Variants in NAA35 observed in about 807,000 individuals in gnomAD.
NAA35 encodes MAK10 homolog, amino-acid N-acetyltransferase subunit.
In NAA35, 18 loss-of-function variants were observed where a neutral mutation model predicts 101.7. The ratio of observed to expected loss-of-function variants is 0.18; its 90% confidence interval spans 0.12 to 0.26. The LOEUF (loss-of-function observed/expected upper bound fraction) is 0.26, where lower values mean the gene tolerates loss of function less well. Among genes scored for constraint, NAA35 ranks in the 10% least tolerant of loss-of-function variants. The probability of loss-of-function intolerance (pLI) is 1.00; values close to 1 mark genes in which losing one functional copy is unlikely to be tolerated. For synonymous variants in NAA35, 267 were observed against 273.1 expected, an observed-to-expected ratio of 0.98 and a Z score of 0.22; for missense variants, 601 against 886.8, an observed-to-expected ratio of 0.68 and a Z score of 4.09.
chr9:85,995,125 T>G (rs1831099566), intron 11 of NAA35, among the ~76,000 whole-genome samples: 1 of 152,058 alleles, frequency 6.6e-6, no homozygotes, highest in South Asian at 2.1e-4. Context: ...TTGTAGTACC[T>G]CAACAGTTTA....
chr9:86,003,764 AT>A (rs953767381), intron 13 of NAA35, 120 bp downstream of exon 13: 14,097 of 455,646 alleles, frequency 0.031, 58 homozygotes, highest in African/African-American at 0.054. Flanking sequence ...AGTGTTGTGT[AT>A]TTTTTTTTTA....
At chr9:85,990,882 A>G (rs1830873657) in intron 11 of NAA35, among the ~76,000 whole-genome samples, 1 of 152,186 alleles carries the variant, frequency 6.6e-6, no homozygotes, top group South Asian at 2.1e-4. Flanking sequence ...GTGTGGAGTA[A>G]GGAAGTGTCC....
chr9:85,946,862 T>A (rs1436687411), intron 2 of NAA35, among the ~76,000 whole-genome samples: 2 of 152,220 alleles, frequency 1.3e-5, no homozygotes, highest in East Asian at 1.9e-4. Context: ...TCCATTCATC[T>A]TCTTCAGTTC....
chr9:86,002,856 C>T (rs1446704908), intron 12 of NAA35, among the ~76,000 whole-genome samples: 1 of 152,146 alleles, frequency 6.6e-6, no homozygotes, highest in East Asian at 1.9e-4. Flanking sequence ...GCCAGTTCAG[C>T]CTGATTAAGA....
At chr9:86,010,745 T>G (rs1831882296) in intron 15 of NAA35, among the ~76,000 whole-genome samples, 1 of 150,688 alleles carries the variant, frequency 6.6e-6, no homozygotes, top group Non-Finnish European at 1.5e-5. Context: ...GGCTAATTTT[T>G]TTTTTTGTAT....
At position 85,991,910 on chromosome 9, in the gene NAA35, C is replaced by T. The variant is rs543204196; in HGVS notation, c.878-4489C>T. The stretch of plus-strand genomic sequence containing the variant: ...GGTGGATGGGCCGGGCGTGGTGGCT[C>T]ACACCTGTAATCCCAGCACTTTGGG... On this transcript the variant is annotated intron_variant, in intron 11 of 22. Coordinates refer to ENST00000361671, the MANE Select transcript of NAA35 (RefSeq NM_024635.4). 2.0e-5 allele frequency among the ~76,000 whole-genome samples: 3 copies of T among 152,228 alleles called. No individual in the cohort carries two copies. In the East Asian group the frequency reaches 5.8e-4, roughly 29 times the overall value.
rs1307847709 is a variant in NAA35 at position 86,025,439 on chromosome 9, T to C, written c.*3479T>C. ...CATATTCATACTTGCCCCACTCTAT[T>C]TGTGGAGTGGCTGGTATGATCTTAA... On this transcript the variant is annotated 3_prime_UTR_variant, in exon 23 of 23. Transcript: ENST00000361671. Among the ~76,000 whole-genome samples the C allele has an allele frequency of 2.6e-5, 4 of 152,122 alleles. No individual in the cohort carries two copies. Among genetic ancestry groups the C allele is most frequent in the African/African-American group, 9.7e-5 (4 of 41,442 alleles).
intron 12 of NAA35, among the ~76,000 whole-genome samples, chr9:86,000,715 G>T (rs982391271): frequency 6.6e-6 from 1 of 151,994 alleles, no homozygotes; most frequent in African/African-American, 2.4e-5. Context: ...TCTGATGGTT[G>T]TTTTTATTTC....
At chr9:85,973,299 T>C (rs959894893) in intron 6 of NAA35, among the ~76,000 whole-genome samples, 1 of 152,170 alleles carries the variant, frequency 6.6e-6, no homozygotes, top group Non-Finnish European at 1.5e-5. Context: ...TAGAAAACTA[T>C]TGAAAGGTTT....
At chr9:85,959,376 CAAA>C (rs397955563) in intron 4 of NAA35, among the ~76,000 whole-genome samples, 1 of 62,684 alleles carries the variant, frequency 1.6e-5, no homozygotes. Flanking sequence ...GACTCTGTCT[CAAA>C]AAAAAAAAAA....
intron 2 of NAA35, among the ~76,000 whole-genome samples, chr9:85,944,097 C>T (rs1255901877): frequency 1.3e-5 from 2 of 152,220 alleles, no homozygotes; most frequent in South Asian, 2.1e-4. Flanking sequence ...AGTACAGTGG[C>T]TTGGACCAAG....
chr9:85,991,677 G>C (rs1335502092), intron 11 of NAA35, among the ~76,000 whole-genome samples: 1 of 152,086 alleles, frequency 6.6e-6, no homozygotes, highest in African/African-American at 2.4e-5. Flanking sequence ...GGTTATGGTG[G>C]CCTAACATGT....
intron 1 of NAA35, 50 bp from the exon 2 acceptor site, chr9:85,942,105 C>T (rs1460917122): frequency 2.5e-6 from 4 of 1,588,004 alleles, no homozygotes; most frequent in Admixed American, 1.9e-5. Context: ...TGCAAATACT[C>T]TTGCCCTGAA....
intron 2 of NAA35, among the ~76,000 whole-genome samples, chr9:85,950,137 T>C (rs1828950742): frequency 6.6e-6 from 1 of 152,254 alleles, no homozygotes; most frequent in Non-Finnish European, 1.5e-5. Context: ...TACAAGATCA[T>C]GATTCTGTGT....
intron 9 of NAA35, 44 bp from the exon 10 acceptor site, chr9:85,977,319 G>T: frequency 7.6e-7 from 1 of 1,311,874 alleles, no homozygotes; most frequent in South Asian, 1.2e-5. Context: ...TTCCTTTCAC[G>T]GGCTTTGCAT....
Position 86,023,867 on chromosome 9 carries a change from T to G in NAA35, c.*1907T>G, listed in dbSNP as rs908607009. Among the ~76,000 whole-genome samples the G allele has an allele frequency of 7.9e-5, 12 of 152,232 alleles. No homozygotes were observed. The highest frequency in any genetic ancestry group is 2.9e-4 in the African/African-American group (12 of 41,452). ...TTTAATTTTTGGTTTTTAGTTTGTT[T>G]AGAGAGGAGGTTTCACTATGTTGCC... On this transcript the variant is annotated 3_prime_UTR_variant, in exon 23 of 23. Coordinates refer to ENST00000361671, the MANE Select transcript of NAA35 (RefSeq NM_024635.4).
intron 3 of NAA35, among the ~76,000 whole-genome samples, chr9:85,958,095 C>A (rs1829353979): frequency 6.6e-6 from 1 of 152,196 alleles, no homozygotes; most frequent in East Asian, 1.9e-4. Context: ...ACATGCACCA[C>A]CACACCCAGC....
At chr9:85,977,182 A>C (rs902093507) in intron 9 of NAA35, among the ~76,000 whole-genome samples, 181 bp from the exon 10 acceptor site, 3 of 152,132 alleles carry the variant, frequency 2.0e-5, no homozygotes, top group African/African-American at 7.2e-5. Flanking sequence ...CCGATTTCAA[A>C]AGAATAGGCT....
At chr9:85,952,532 G>A (rs1829067472) in intron 2 of NAA35, among the ~76,000 whole-genome samples, 1 of 151,994 alleles carries the variant, frequency 6.6e-6, no homozygotes, top group Non-Finnish European at 1.5e-5. Context: ...TAATCCACCT[G>A]CCTCGGCCTC....
Sources: allele counts gnomAD v4.1 joint callset (sites outside exome capture counted in the v4.1 genomes callset), GRCh38; gene constraint gnomAD v4.1.1; transcripts MANE v1.5; gene names NCBI Gene and HGNC (gene_info 2026-07-23, HGNC 2026-07-21).